AEBP2: variants seen among roughly 807,000 people sequenced by gnomAD.
AEBP2 encodes the protein AE binding protein 2.
A neutral mutation model predicts 50.8 loss-of-function variants in AEBP2; 10 were observed. The ratio of observed to expected loss-of-function variants is 0.20; its 90% confidence interval spans 0.12 to 0.33. The LOEUF is 0.33. Ranked by LOEUF, AEBP2 falls within the 10% of genes least tolerant of loss-of-function variation. The pLI is 1.00. For synonymous variants in AEBP2, 296 were observed against 261.3 expected (o/e 1.13, Z -1.28); for missense variants, 570 against 688.0 (o/e 0.83, Z 1.92).
intron 1 of AEBP2, chr12:19,413,535 T>G: frequency 2.7e-6 from 2 of 749,614 alleles, no homozygotes; most frequent in South Asian, 2.9e-5. Context: ...AAATATTTAG[T>G]TTGTTTATTG....
At chr12:19,499,646 T>A (rs998428088) in intron 4 of AEBP2, among the ~76,000 whole-genome samples, 2 of 151,454 alleles carry the variant, frequency 1.3e-5, no homozygotes, top group South Asian at 4.2e-4. Flanking sequence ...CAAAATAATA[T>A]TATTGTATTG....
intron 1 of AEBP2, chr12:19,440,684 G>C: frequency 6.5e-7 from 1 of 1,533,192 alleles, no homozygotes; most frequent in Non-Finnish European, 8.7e-7. Flanking sequence ...AGATCCTCTG[G>C]CGGAGCAGAA....
chr12:19,506,675 GTTTC>G (rs1328867710), intron 5 of AEBP2, among the ~76,000 whole-genome samples: 1 of 152,028 alleles, frequency 6.6e-6, no homozygotes, highest in Non-Finnish European at 1.5e-5. Flanking sequence ...GTTCACTTTG[GTTTC>G]TGTGTTGAGA....
intron 1 of AEBP2, among the ~76,000 whole-genome samples, chr12:19,426,589 G>A (rs1193820911): frequency 6.6e-6 from 1 of 152,108 alleles, no homozygotes; most frequent in African/African-American, 2.4e-5. Flanking sequence ...ATGGACTAAG[G>A]GGTGCCCAGA....
intron 5 of AEBP2, among the ~76,000 whole-genome samples, chr12:19,503,542 T>C (rs61912793): frequency 0.048 from 7,364 of 152,268 alleles, 233 homozygotes; most frequent in South Asian, 0.073. Flanking sequence ...TAGAATCATA[T>C]TGGCAGTGAA....
At chr12:19,503,791 C>T (rs1230674541) in intron 5 of AEBP2, among the ~76,000 whole-genome samples, 2 of 151,564 alleles carry the variant, frequency 1.3e-5, no homozygotes, top group African/African-American at 2.4e-5. Flanking sequence ...CCCAAAGTGT[C>T]GAGATTACAG....
chr12:19,413,770 T>A (rs2095740697), intron 1 of AEBP2, among the ~76,000 whole-genome samples: 1 of 152,166 alleles, frequency 6.6e-6, no homozygotes, highest in African/African-American at 2.4e-5. Context: ...ACTGTCATGG[T>A]GCTGCTGGTA....
chr12:19,448,039 G>C (rs1236597683), intron 1 of AEBP2, among the ~76,000 whole-genome samples: 1 of 152,062 alleles, frequency 6.6e-6, no homozygotes. Flanking sequence ...GTTCTTTTGG[G>C]TTTAAAAATC....
intron 3 of AEBP2, among the ~76,000 whole-genome samples, chr12:19,478,780 G>A (rs1240295103): frequency 1.3e-5 from 2 of 152,056 alleles, no homozygotes; most frequent in South Asian, 4.1e-4. Flanking sequence ...TAGTTTTGAG[G>A]GTTCCTTTTG....
chr12:19,511,105 G>A (rs1949225856), intron 5 of AEBP2, among the ~76,000 whole-genome samples: 1 of 151,984 alleles, frequency 6.6e-6, no homozygotes. Context: ...CCAAGGTACT[G>A]GTATTGCAGG....
chr12:19,443,103 C>CT (rs67170632), intron 1 of AEBP2, among the ~76,000 whole-genome samples: 9 of 142,738 alleles, frequency 6.3e-5, no homozygotes, highest in Admixed American at 1.4e-4. Context: ...ATATCTTTTT[C>CT]TTTTTTTTTT....
At chr12:19,437,674 T>C (rs1565700915), upstream of AEBP2, among the ~76,000 whole-genome samples, 1 of 152,248 alleles carries the variant, frequency 6.6e-6, no homozygotes, top group East Asian at 1.9e-4. Context: ...GTTTACAGTG[T>C]ATTTCACTTT....
chr12:19,443,084 C>T (rs1267320926), intron 1 of AEBP2, among the ~76,000 whole-genome samples: 2 of 141,240 alleles, frequency 1.4e-5, no homozygotes, highest in East Asian at 4.2e-4. Context: ...TGTTGAACAT[C>T]TTTGTTAAAT....
chr12:19,472,200 A>G lies in AEBP2; in HGVS notation c.880-1048A>G, dbSNP rs372373781. On this transcript the variant is annotated intron_variant, in intron 2 of 7. Transcript: ENST00000266508. The stretch of plus-strand genomic sequence containing the variant: ...TTTATTTTAGGCTGGCTGAAGAAAG[A>G]TTCTTCAGTTCTTTGTATATCTTTC... 2.0e-5 allele frequency among the ~76,000 whole-genome samples: 3 copies of G among 152,274 alleles called. No homozygotes were observed. The South Asian group carries it at 6.2e-4, about 32-fold the overall frequency.
At chr12:19,440,612 G>A in intron 1 of AEBP2, 15 of 1,476,882 alleles carry the variant, frequency 1.0e-5, no homozygotes, top group South Asian at 3.8e-5. Context: ...TTTCCCCTCG[G>A]CGCTTCGCTC....
In AEBP2 at chr12:19,493,836, C is replaced by T; in HGVS notation, c.1024C>T (p.Gln342Ter). The T allele has an allele frequency of 6.2e-7, 1 of 1,613,706 alleles. No homozygotes were observed. The highest frequency in any genetic ancestry group is 8.5e-7 in the Non-Finnish European group (1 of 1,179,796). The change falls in exon 4 of 8, where the codon CAG becomes TAG. Residue 342 changes from glutamine to a stop codon, truncating the protein, a stop_gained. Transcript: ENST00000266508. LOFTEE classifies it high-confidence loss of function. ...TGGCTGCAATGCCAGCTTTGCTTCT[C>T]AGGGAGGGCTAGCTCGTCATGTACC... ...VGGCNASFAS[Q>*]GGLARHVPTH...
chr12:19,457,424 G>A (rs1948290052), intron 1 of AEBP2: 2 of 1,496,344 alleles, frequency 1.3e-6, no homozygotes, highest in Non-Finnish European at 1.8e-6. Context: ...TCCACAAGGA[G>A]GTATTAATGG....
chr12:19,422,012 C>T (rs376031663), intron 1 of AEBP2, among the ~76,000 whole-genome samples: 4 of 151,614 alleles, frequency 2.6e-5, no homozygotes, highest in East Asian at 2.0e-4. Flanking sequence ...TGTGGTGGCT[C>T]GCACCTGTGG....
chr12:19,489,870 G>GTT lies in AEBP2; in HGVS notation c.988-3922_988-3921dup, dbSNP rs145319011. Among the ~76,000 whole-genome samples, 713 of 137,358 alleles carry GTT rather than the reference G, an allele frequency of 5.2e-3. 5 individuals carry two copies. Among genetic ancestry groups the GTT allele is most frequent in the African/African-American group, 0.014 (533 of 37,374 alleles). 90.1% of individuals were successfully genotyped at this position (137,358 alleles called of 152,430 possible). A position where few individuals can be genotyped will look rare whatever the true frequency, so the allele number is the denominator to read the frequency against. Reference sequence around the variant, plus strand: ...CTCTTTAGTTCTAAATTTTACTTCTGTTTTTTTTTAATGATTTTTGATTGA... The same window carrying GTT: ...CTCTTTAGTTCTAAATTTTACTTCTGTTTTTTTTTTTAATGATTTTTGATTGA... On this transcript the variant is annotated intron_variant, in intron 3 of 7. Coordinates refer to ENST00000266508, the MANE Select transcript of AEBP2 (RefSeq NM_153207.5).
Sources: allele counts gnomAD v4.1 joint callset (sites outside exome capture counted in the v4.1 genomes callset), GRCh38; gene constraint gnomAD v4.1.1; transcripts MANE v1.5; gene names NCBI Gene and HGNC (gene_info 2026-07-23, HGNC 2026-07-21).